The following ESYT3 variants were observed in gnomAD, a reference collection of about 807,000 sequenced individuals.
ESYT3 encodes the protein extended synaptotagmin-3.
ESYT3 carries 101 observed loss-of-function variants against 111.5 expected under a neutral mutation model. The observed-to-expected ratio is 0.91, with a 90% CI of 0.77 to 1.07. ESYT3 has a LOEUF of 1.07. Among genes scored for constraint, ESYT3 ranks in the 50% least tolerant of loss-of-function variants. ESYT3 has a pLI of 0.00. For synonymous variants in ESYT3, 416 were observed against 446.8 expected (o/e 0.93, Z 0.87); for missense variants, 1,097 against 1,109.4 (o/e 0.99, Z 0.16).
In ESYT3 at chr3:138,473,534, A is replaced by G; in HGVS notation, c.2238-2A>G. 2.5e-6 allele frequency: 4 copies of G among 1,612,592 alleles called. No individual in the cohort carries two copies. The highest frequency in any genetic ancestry group is 3.4e-6 in the Non-Finnish European group (4 of 1,178,838). On this transcript the variant is annotated splice_acceptor_variant, in intron 18 of 22. Coordinates refer to ENST00000389567, the MANE Select transcript of ESYT3 (RefSeq NM_031913.5). LOFTEE classifies it high-confidence loss of function. ...GAGAAGTGATGGGCTCTTTCTTTAC[A>G]GAGGTGGGGACCTCAGGCGACGGCA...
chr3:138,465,423 TGAG>T lies in ESYT3; in HGVS notation c.1169+10_1169+12del, dbSNP rs1352424184. On this transcript the variant is annotated splice_donor_5th_base_variant and intron_variant, in intron 10 of 22. Transcript: ENST00000389567. ...CGACAGGGATGACTTCCTGGGCAGG[TGAG>T]GAGGAGGGCGCACAGCTGGGCCTGG... 1.9e-6 allele frequency: 3 copies of T among 1,586,604 alleles called. No individual in the cohort carries two copies. The highest frequency in any genetic ancestry group is 2.3e-5 in the East Asian group (1 of 44,152).
intron 1 of ESYT3, among the ~76,000 whole-genome samples, chr3:138,437,276 A>G (rs1484667192): frequency 6.6e-6 from 1 of 152,032 alleles, no homozygotes; most frequent in Admixed American, 6.5e-5. Flanking sequence ...TATGAAGGAC[A>G]CCCTACCAGG....
Position 138,472,507 on chromosome 3 carries a change from T to C in ESYT3, c.1885T>C (p.Cys629Arg). ...PQEEGPTDLP[C>R]PPDPASDTKD... ...GGAAGAAGGCCCTACAGATTTGCCA[T>C]GTCCCCCAGACCCTGCTTCTGATAC... is the stretch of plus-strand genomic sequence containing the variant. Residue 629 changes from cysteine to arginine, a missense_variant, in exon 18 of 23, where the codon TGT (cysteine) becomes CGT (arginine). Transcript: ENST00000389567. 2 of 1,614,212 alleles carry C rather than the reference T, an allele frequency of 1.2e-6. No homozygotes were observed. Among genetic ancestry groups the C allele is most frequent in the South Asian group, 1.1e-5 (1 of 91,084 alleles).
chr3:138,451,022 C>T (rs1433780570), intron 1 of ESYT3, among the ~76,000 whole-genome samples: 2 of 152,222 alleles, frequency 1.3e-5, no homozygotes, highest in East Asian at 3.8e-4. Flanking sequence ...TGTACATGTC[C>T]ACGCTTACTC....
intron 20 of ESYT3, among the ~76,000 whole-genome samples, chr3:138,474,848 C>G (rs1270919891): frequency 1.3e-5 from 2 of 152,146 alleles, no homozygotes; most frequent in East Asian, 3.9e-4. Flanking sequence ...AAGGGTGACT[C>G]TAATCACATT....
chr3:138,470,802 G>C (rs1353923993), intron 16 of ESYT3, 75 bp from the exon 17 acceptor site: 204 of 1,601,596 alleles, frequency 1.3e-4, no homozygotes, highest in South Asian at 2.2e-5. Flanking sequence ...CCCAAACTTG[G>C]CTGGGGCTCA....
chr3:138,456,709 G>C (rs1419179770), intron 3 of ESYT3, among the ~76,000 whole-genome samples: 2 of 152,182 alleles, frequency 1.3e-5, no homozygotes, highest in Non-Finnish European at 2.9e-5. Context: ...GCTAATGCCT[G>C]ATGATCTGAG....
chr3:138,472,941 A>T, intron 18 of ESYT3, 82 bp downstream of exon 18: 2 of 1,526,750 alleles, frequency 1.3e-6, no homozygotes, highest in Non-Finnish European at 1.7e-6. Flanking sequence ...ATATGAACTT[A>T]CATTTCTGTG....
Position 138,476,333 on chromosome 3 carries a change from G to C in ESYT3, c.2574+5G>C. 6.2e-7 allele frequency: 1 copy of C among 1,609,944 alleles called. No homozygotes were observed. Among genetic ancestry groups the C allele is most frequent in the Non-Finnish European group, 8.5e-7 (1 of 1,176,284 alleles). On this transcript the variant is annotated splice_donor_5th_base_variant and intron_variant, in intron 21 of 22. Coordinates refer to ENST00000389567, the MANE Select transcript of ESYT3 (RefSeq NM_031913.5). ...AGAAGAAAGGAGTTAGGAAAAGTAA[G>C]TACAAGAGATATTTGATATACCAAG...
chr3:138,473,174 G>T, intron 18 of ESYT3: 1 of 1,243,150 alleles, frequency 8.0e-7, no homozygotes, highest in Non-Finnish European at 1.0e-6. Flanking sequence ...GTAATAAATG[G>T]CTGTCATTTA....
In ESYT3 at chr3:138,472,504, C is replaced by G. The variant is rs1043635265; in HGVS notation, c.1882C>G (p.Pro628Ala). 3.1e-6 allele frequency: 5 copies of G among 1,614,224 alleles called. No homozygotes were observed. The highest frequency in any genetic ancestry group is 1.6e-4 in the Middle Eastern group (1 of 6,062). Residue 628 changes from proline (P) to alanine (A), a missense_variant, in exon 18 of 23, where the codon CCA becomes GCA. Coordinates refer to ENST00000389567, the MANE Select transcript of ESYT3 (RefSeq NM_031913.5). Reference sequence around the variant, plus strand: ...TCAGGAAGAAGGCCCTACAGATTTGCCATGTCCCCCAGACCCTGCTTCTGA... The same window carrying G: ...TCAGGAAGAAGGCCCTACAGATTTGGCATGTCCCCCAGACCCTGCTTCTGA... ...QPQEEGPTDLPCPPDPASDTK... is the reference protein window; with the variant it reads ...QPQEEGPTDLACPPDPASDTK...
Position 138,467,565 on chromosome 3 carries a change from C to A in ESYT3, c.1174C>A (p.Gln392Lys). The A allele has an allele frequency of 6.2e-7, 1 of 1,614,170 alleles. No individual in the cohort carries two copies. Among genetic ancestry groups the A allele is most frequent in the South Asian group, 1.1e-5 (1 of 91,080 alleles). Residue 392 changes from glutamine (Q) to lysine (K), a missense_variant, in exon 11 of 23, where the codon CAG (glutamine) becomes AAG (lysine). Coordinates refer to ENST00000389567, the MANE Select transcript of ESYT3 (RefSeq NM_031913.5). ...CCCTCTCCCTGTATATTCCAGCCTGCAGATCTGCCTTGGAGATGTCATGAC... is the reference window on the plus strand; with the variant it reads ...CCCTCTCCCTGTATATTCCAGCCTGAAGATCTGCCTTGGAGATGTCATGAC... The part of the protein sequence containing the change: ...TDRDDFLGSL[Q>K]ICLGDVMTNR...
At chr3:138,453,924 C>T (rs574158949) in intron 2 of ESYT3, among the ~76,000 whole-genome samples, 1 of 152,286 alleles carries the variant, frequency 6.6e-6, no homozygotes, top group African/African-American at 2.4e-5. Context: ...TAGGCTGAAA[C>T]GATCCTCCTG....
intron 5 of ESYT3, 112 bp downstream of exon 5, chr3:138,459,365 C>A: frequency 1.3e-6 from 1 of 787,248 alleles, no homozygotes; most frequent in Non-Finnish European, 1.9e-6. Flanking sequence ...CAACACTAAA[C>A]ACAGAGGATG....
At chr3:138,459,384 G>A (rs919185820) in intron 5 of ESYT3, 131 bp downstream of exon 5, 12 of 652,038 alleles carry the variant, frequency 1.8e-5, no homozygotes, top group East Asian at 3.0e-5. Context: ...TGGTGACTAC[G>A]GAGGAGCTGT....
rs1181904678 is a variant in ESYT3 at position 138,478,810 on chromosome 3, G to A, written c.*1956G>A. ...ATACCTTGGCTGCCACTGAGGACAA[G>A]AATTGGTTTTCAGCAGTGGGTGGAA... On this transcript the variant is annotated 3_prime_UTR_variant, in exon 23 of 23. Transcript: ENST00000389567. 6.6e-6 allele frequency: 1 copy of A among 152,222 alleles called. No individual in the cohort carries two copies. The highest frequency in any genetic ancestry group is 2.4e-5 in the African/African-American group (1 of 41,430). 9.4% of individuals were successfully genotyped at this position (152,222 alleles called of 1,614,324 possible). A position where few individuals can be genotyped will look rare whatever the true frequency, so the allele number is the denominator to read the frequency against.
At chr3:138,436,352 C>T (rs1018917593) in intron 1 of ESYT3, among the ~76,000 whole-genome samples, 1 of 152,138 alleles carries the variant, frequency 6.6e-6, no homozygotes, top group Non-Finnish European at 1.5e-5. Flanking sequence ...GTCCTAATCT[C>T]TTCTTAGAAG....
At chr3:138,473,722 C>T (rs1217167607) in intron 19 of ESYT3, 88 bp downstream of exon 19, 5 of 1,090,550 alleles carry the variant, frequency 4.6e-6, no homozygotes, top group South Asian at 2.7e-5. Context: ...ATGAAAAGGG[C>T]ACATAGTCCC....
chr3:138,441,986 A>G (rs1255348871), intron 1 of ESYT3, among the ~76,000 whole-genome samples: 1 of 152,116 alleles, frequency 6.6e-6, no homozygotes, highest in East Asian at 1.9e-4. Flanking sequence ...AGCCTTGGAA[A>G]TCTCAGAACA....
Sources: gnomAD v4.1 joint callset for allele counts (sites outside exome capture counted in the v4.1 genomes callset) on GRCh38, gnomAD v4.1.1 for gene constraint, MANE v1.5 for transcripts, NCBI Gene and HGNC (gene_info 2026-07-23, HGNC 2026-07-21) for gene names.